The following GALNT17 variants were observed in gnomAD, a reference collection of about 807,000 sequenced individuals.
GALNT17 encodes the protein UDP-GalNAc:polypeptide N-acetylgalactosaminyltransferase-like 3.
GALNT17 carries 29 observed loss-of-function variants against 63.7 expected under a neutral mutation model. The ratio of observed to expected loss-of-function variants is 0.46; its 90% CI spans 0.34 to 0.62. GALNT17 has a LOEUF of 0.62. Ranked by LOEUF, GALNT17 falls within the 20% of genes least tolerant of loss-of-function variation. The probability of loss-of-function intolerance (pLI) is 0.01; values close to 1 mark genes in which losing one functional copy is unlikely to be tolerated. For synonymous variants in GALNT17, 305 were observed against 318.3 expected, an observed-to-expected ratio of 0.96 and a Z score of 0.45; for missense variants, 603 against 799.6, an observed-to-expected ratio of 0.75 and a Z score of 2.97.
chr7:71,398,058 A>T (rs1008877171), intron 3 of GALNT17, among the ~76,000 whole-genome samples: 1 of 151,892 alleles, frequency 6.6e-6, no homozygotes, highest in African/African-American at 2.4e-5. Flanking sequence ...TAGAGTCTTT[A>T]TCTTGTCACC....
intron 9 of GALNT17, among the ~76,000 whole-genome samples, chr7:71,705,788 G>C (rs1791714904): frequency 6.6e-6 from 1 of 152,168 alleles, no homozygotes; most frequent in South Asian, 2.1e-4. Flanking sequence ...CTGAAGCCTA[G>C]GAAAGTTGAA....
intron 1 of GALNT17, among the ~76,000 whole-genome samples, chr7:71,322,776 C>T (rs905887181): frequency 6.6e-6 from 1 of 152,180 alleles, no homozygotes; most frequent in Non-Finnish European, 1.5e-5. Context: ...AGCTCTCCCT[C>T]TCTCTGTCAT....
chr7:71,628,790 G>C (rs1444484106), intron 6 of GALNT17, among the ~76,000 whole-genome samples: 1 of 152,066 alleles, frequency 6.6e-6, no homozygotes, highest in African/African-American at 2.4e-5. Flanking sequence ...AAATTAGCCA[G>C]GTGTGGTGGC....
chr7:71,313,687 G>T (rs1034392204), intron 1 of GALNT17, among the ~76,000 whole-genome samples: 1 of 152,190 alleles, frequency 6.6e-6, no homozygotes, highest in Admixed American at 6.5e-5. Flanking sequence ...AAGAGAGGGA[G>T]CTAGTCTGGG....
intron 5 of GALNT17, among the ~76,000 whole-genome samples, chr7:71,439,296 G>A (rs1447751443): frequency 6.6e-6 from 1 of 152,166 alleles, no homozygotes; most frequent in Non-Finnish European, 1.5e-5. Context: ...TTATGAAATG[G>A]GAGTGCACTT....
intron 2 of GALNT17, among the ~76,000 whole-genome samples, chr7:71,359,233 G>A (rs1184574293): frequency 6.6e-6 from 1 of 152,238 alleles, no homozygotes; most frequent in Non-Finnish European, 1.5e-5. Flanking sequence ...CGCTGTACGA[G>A]AAGCATGACA....
At chr7:71,162,530 T>C (rs1323301567) in intron 1 of GALNT17, among the ~76,000 whole-genome samples, 1 of 152,066 alleles carries the variant, frequency 6.6e-6, no homozygotes, top group Non-Finnish European at 1.5e-5. Flanking sequence ...ATAATTTCAA[T>C]ATGATAAACG....
At position 71,621,553 on chromosome 7, in the gene GALNT17, A is replaced by T. The variant is rs28620519; in HGVS notation, c.1081-43858A>T. ...TGGATGGATTGATGGATTGATGGAT[A>T]GATGGATGGATGGATGGATGGATGG... On this transcript the variant is annotated intron_variant, in intron 6 of 10. Transcript: ENST00000333538. 7.7e-4 allele frequency among the ~76,000 whole-genome samples: 110 copies of T among 142,964 alleles called. 1 individual carries two copies. The highest frequency in any genetic ancestry group is 2.8e-3 in the South Asian group (12 of 4,348). The allele number at this position is 142,964 out of a possible 152,430, so 93.8% of individuals were successfully genotyped here. A position where few individuals can be genotyped will look rare whatever the true frequency, so the allele number is the denominator to read the frequency against.
At chr7:71,174,766 A>T (rs1004582787) in intron 1 of GALNT17, among the ~76,000 whole-genome samples, 2 of 152,182 alleles carry the variant, frequency 1.3e-5, no homozygotes, top group Non-Finnish European at 2.9e-5. Context: ...GAATGTCATC[A>T]GTTAAGGCTA....
At chr7:71,221,915 T>TTA (rs1305433813) in intron 1 of GALNT17, among the ~76,000 whole-genome samples, 4 of 134,372 alleles carry the variant, frequency 3.0e-5, no homozygotes, top group Non-Finnish European at 4.5e-5. Context: ...TAGATTTTTT[T>TTA]TTTTTTTTTT....
At chr7:71,297,340 T>G (rs1045832636) in intron 1 of GALNT17, among the ~76,000 whole-genome samples, 1 of 152,160 alleles carries the variant, frequency 6.6e-6, no homozygotes, top group Non-Finnish European at 1.5e-5. Context: ...GTCTAGGAGT[T>G]TGAGACCAGC....
At chr7:71,357,623 C>T (rs1016463409) in intron 2 of GALNT17, among the ~76,000 whole-genome samples, 1 of 152,090 alleles carries the variant, frequency 6.6e-6, no homozygotes, top group Admixed American at 6.6e-5. Flanking sequence ...ATTTAAAGTC[C>T]CGTCTTTGGC....
chr7:71,450,931 C>T (rs1267094510), intron 5 of GALNT17, among the ~76,000 whole-genome samples: 1 of 147,432 alleles, frequency 6.8e-6, no homozygotes, highest in Non-Finnish European at 1.5e-5. Context: ...TTTTTTTATT[C>T]TTTTTTTTTT....
intron 2 of GALNT17, among the ~76,000 whole-genome samples, chr7:71,358,043 C>G (rs1792321814): frequency 6.6e-6 from 1 of 152,192 alleles, no homozygotes; most frequent in African/African-American, 2.4e-5. Flanking sequence ...GCTCGGGTCC[C>G]CTTCCATGCT....
intron 1 of GALNT17, among the ~76,000 whole-genome samples, chr7:71,240,376 C>G (rs1477076405): frequency 6.6e-6 from 1 of 152,164 alleles, no homozygotes; most frequent in East Asian, 1.9e-4. Flanking sequence ...AACTCATCAC[C>G]TAGGTAGCAC....
chr7:71,159,857 C>T (rs1036518454), intron 1 of GALNT17, among the ~76,000 whole-genome samples: 29 of 151,432 alleles, frequency 1.9e-4, no homozygotes, highest in South Asian at 8.3e-4. Flanking sequence ...TCTTGGCTCA[C>T]TGCAACCTCC....
At chr7:71,616,435 A>G (rs1790204177) in intron 6 of GALNT17, among the ~76,000 whole-genome samples, 1 of 147,830 alleles carries the variant, frequency 6.8e-6, no homozygotes, top group Non-Finnish European at 1.5e-5. Context: ...TTTTTTTATT[A>G]TTATTTTTAT....
intron 6 of GALNT17, among the ~76,000 whole-genome samples, chr7:71,615,719 C>T (rs1159284461): frequency 1.3e-5 from 2 of 152,202 alleles, no homozygotes; most frequent in South Asian, 2.1e-4. Context: ...CTCAAATAAT[C>T]CACCCACCTC....
chr7:71,426,891 G>A lies in GALNT17; in HGVS notation c.962+5786G>A, dbSNP rs1013984036. On this transcript the variant is annotated intron_variant, in intron 5 of 10. Transcript: ENST00000333538. ...CCAAGATCATACCACCTGCACTCCA[G>A]CCTGGCTGACAGAGCAAGACTCCAG... Among the ~76,000 whole-genome samples the A allele has an allele frequency of 9.3e-5, 14 of 151,160 alleles. No homozygotes were observed. In the East Asian group the frequency reaches 2.8e-3, roughly 30 times the overall value.
Sources: allele counts gnomAD v4.1 joint callset (sites outside exome capture counted in the v4.1 genomes callset), GRCh38; gene constraint gnomAD v4.1.1; transcripts MANE v1.5; gene names NCBI Gene and HGNC (gene_info 2026-07-23, HGNC 2026-07-21).